Variants in ZNF423 observed in about 807,000 individuals in gnomAD.
ZNF423 encodes Ebf-associated zinc finger protein.
ZNF423 carries 12 observed loss-of-function variants against 95.8 expected under a neutral mutation model. The observed-to-expected ratio is 0.13, with a 90% CI of 0.08 to 0.20. The LOEUF is 0.20. Among genes scored for constraint, ZNF423 ranks in the 10% least tolerant of loss-of-function variants. The pLI, the probability that ZNF423 is intolerant of heterozygous loss-of-function variation, is 1.00. For synonymous variants in ZNF423, 749 were observed against 711.9 expected (o/e 1.05, Z -0.83); for missense variants, 1,316 against 1,737.1 (o/e 0.76, Z 4.31).
intron 5 of ZNF423, among the ~76,000 whole-genome samples, chr16:49,575,568 G>A (rs1002088645): frequency 3.9e-5 from 6 of 152,130 alleles, no homozygotes; most frequent in Non-Finnish European, 7.3e-5. Flanking sequence ...AGATAGGCCC[G>A]ACTGTGCCTA....
intron 5 of ZNF423, among the ~76,000 whole-genome samples, chr16:49,532,341 G>C (rs906779478): frequency 6.6e-6 from 1 of 152,070 alleles, no homozygotes; most frequent in Non-Finnish European, 1.5e-5. Flanking sequence ...ACTCAAGACC[G>C]CTCAGCCATG....
At chr16:49,782,235 TG>T (rs1180203338) in intron 2 of ZNF423, among the ~76,000 whole-genome samples, 1 of 152,258 alleles carries the variant, frequency 6.6e-6, no homozygotes, top group Non-Finnish European at 1.5e-5. Flanking sequence ...CTCACCGGCA[TG>T]TCTGCCATCT....
intron 2 of ZNF423, among the ~76,000 whole-genome samples, chr16:49,767,595 A>G (rs2033952878): frequency 6.6e-6 from 1 of 152,182 alleles, no homozygotes; most frequent in Non-Finnish European, 1.5e-5. Context: ...AAAGGAAACT[A>G]GTGGAATGAT....
At position 49,664,308 on chromosome 16, in the gene ZNF423, G is replaced by A. The variant is rs190006411; in HGVS notation, c.302-25434C>T. ...GCCGAGGGTGTGCTGCTCCCGCGGC[G>A]GCGCTTGGCGGAGGACCCAGCTAGC... On this transcript the variant is annotated intron_variant, in intron 3 of 7. Coordinates refer to ENST00000563137, the MANE Select transcript of ZNF423 (RefSeq NM_001379286.1). The A allele has an allele frequency of 6.6e-5, 65 of 985,650 alleles. No individual in the cohort carries two copies. In the Middle Eastern group the frequency reaches 1.6e-3, roughly 24 times the overall value. 61.1% of individuals were successfully genotyped at this position (985,650 alleles called of 1,614,324 possible). A position where few individuals can be genotyped will look rare whatever the true frequency, so the allele number is the denominator to read the frequency against.
chr16:49,616,114 T>G (rs1036657065), intron 5 of ZNF423, among the ~76,000 whole-genome samples: 2 of 152,186 alleles, frequency 1.3e-5, no homozygotes, highest in African/African-American at 4.8e-5. Flanking sequence ...AAGACTGTTC[T>G]GCTTGCTGCA....
In ZNF423 at chr16:49,492,944, T is replaced by A. The variant is rs2151643802; in HGVS notation, c.3850-1640A>T. ...CAGGCTTCCCAGGGCCTGCACCCCA[T>A]GGGCACCGCAGTCTGCAAATCACCC... On this transcript the variant is annotated intron_variant, in intron 7 of 7. Transcript: ENST00000563137. The surrounding 1 kb of genome is among the most constrained non-coding windows in gnomAD (Gnocchi z 4.2). Among the ~76,000 whole-genome samples the A allele has an allele frequency of 6.6e-6, 1 of 152,116 alleles. No individual in the cohort carries two copies. Among genetic ancestry groups the A allele is most frequent in the South Asian group, 2.1e-4 (1 of 4,806 alleles).
At chr16:49,648,439 C>G (rs1003158415) in intron 3 of ZNF423, among the ~76,000 whole-genome samples, 1 of 147,886 alleles carries the variant, frequency 6.8e-6, no homozygotes, top group East Asian at 2.0e-4. Flanking sequence ...GTCGGGAGTT[C>G]GAGACCAGCC....
At chr16:49,709,690 G>T (rs569227602) in intron 3 of ZNF423, among the ~76,000 whole-genome samples, 1 of 152,178 alleles carries the variant, frequency 6.6e-6, no homozygotes, top group African/African-American at 2.4e-5. Flanking sequence ...GGTCATGAGG[G>T]TTCCATCCCT....
intron 5 of ZNF423, among the ~76,000 whole-genome samples, chr16:49,597,531 T>C (rs1442440384): frequency 6.6e-6 from 1 of 152,212 alleles, no homozygotes; most frequent in Non-Finnish European, 1.5e-5. Context: ...CCTTTTAATT[T>C]TTTTTTAAAT....
At chr16:49,799,777 C>G (rs2034553975) in intron 1 of ZNF423, among the ~76,000 whole-genome samples, 1 of 152,058 alleles carries the variant, frequency 6.6e-6, no homozygotes, top group Non-Finnish European at 1.5e-5. Flanking sequence ...TTGAAGTTTT[C>G]TTTGTTTTGT....
At chr16:49,837,670 A>G (rs1233818947) in intron 1 of ZNF423, among the ~76,000 whole-genome samples, 1 of 152,024 alleles carries the variant, frequency 6.6e-6, no homozygotes, top group Non-Finnish European at 1.5e-5. Flanking sequence ...AGACAGTCAC[A>G]CTCAAAACTC....
chr16:49,658,918 G>A (rs2030044664), intron 3 of ZNF423, among the ~76,000 whole-genome samples: 1 of 152,180 alleles, frequency 6.6e-6, no homozygotes, highest in Non-Finnish European at 1.5e-5. Context: ...CCTCCCACTG[G>A]AACCAGGCCC....
chr16:49,856,428 A>G (rs1314251792), upstream of ZNF423, among the ~76,000 whole-genome samples: 4 of 47,754 alleles, frequency 8.4e-5, no homozygotes, highest in Non-Finnish European at 1.2e-4. Flanking sequence ...ACCCCCCAGG[A>G]AAAAAAAAAA....
At chr16:49,609,771 CAA>C (rs1422011091) in intron 5 of ZNF423, among the ~76,000 whole-genome samples, 1 of 151,754 alleles carries the variant, frequency 6.6e-6, no homozygotes, top group Non-Finnish European at 1.5e-5. Context: ...AAAATGTACT[CAA>C]AAGAGTGATG....
chr16:49,674,287 C>G (rs1390781199), intron 3 of ZNF423, among the ~76,000 whole-genome samples: 1 of 152,106 alleles, frequency 6.6e-6, no homozygotes, highest in Non-Finnish European at 1.5e-5. Flanking sequence ...GTTCCAGTAA[C>G]CTCTCCTAAA....
intron 1 of ZNF423, among the ~76,000 whole-genome samples, chr16:49,825,891 G>C (rs1352733622): frequency 6.6e-6 from 1 of 152,172 alleles, no homozygotes; most frequent in East Asian, 1.9e-4. Flanking sequence ...TCAGAAGAAT[G>C]TACTAATAAT....
At chr16:49,495,566 G>A (rs75016643) in intron 7 of ZNF423, among the ~76,000 whole-genome samples, 2,441 of 152,292 alleles carry the variant, frequency 0.016, 62 homozygotes, top group African/African-American at 0.054. Flanking sequence ...CACTATGCTT[G>A]TTGCTGGGAA....
intron 1 of ZNF423, among the ~76,000 whole-genome samples, chr16:49,812,135 T>C (rs530595384): frequency 4.6e-5 from 7 of 152,264 alleles, no homozygotes; most frequent in African/African-American, 1.4e-4. Flanking sequence ...TCCTCAACCA[T>C]CCTCATTGCA....
chr16:49,839,015 G>A (rs1388766162), intron 1 of ZNF423, among the ~76,000 whole-genome samples: 2 of 150,254 alleles, frequency 1.3e-5, no homozygotes, highest in African/African-American at 2.5e-5. Flanking sequence ...GAAGAGCCCC[G>A]AGGCCCCCTC....
Sources: gnomAD v4.1 joint callset for allele counts (sites outside exome capture counted in the v4.1 genomes callset) on GRCh38, gnomAD v4.1.1 for gene constraint, Gnocchi (gnomAD v3.1) non-coding constraint, MANE v1.5 for transcripts, NCBI Gene and HGNC (gene_info 2026-07-23, HGNC 2026-07-21) for gene names.